MBD5: variants seen among roughly 807,000 people sequenced by gnomAD.
MBD5 encodes methyl-CpG-binding domain protein 5.
Under a neutral mutation model 117.3 loss-of-function variants are expected in MBD5, and 13 were observed. The ratio of observed to expected loss-of-function variants is 0.11; its 90% CI spans 0.07 to 0.18. The LOEUF (loss-of-function observed/expected upper bound fraction) is 0.18, where lower values mean the gene tolerates loss of function less well. Ranked by LOEUF, MBD5 falls within the 10% of genes least tolerant of loss-of-function variation. The pLI is 1.00. For missense variants in MBD5, 1,879 were observed against 2,093.8 expected, an observed-to-expected ratio of 0.90 and a Z score of 2.00; for synonymous variants, 727 against 766.4, an observed-to-expected ratio of 0.95 and a Z score of 0.85.
chr2:148,251,875 C>A (rs1209547048), intron 3 of MBD5, among the ~76,000 whole-genome samples: 3 of 152,130 alleles, frequency 2.0e-5, no homozygotes, highest in Non-Finnish European at 4.4e-5. Context: ...CTTGCTATCA[C>A]GAGTGAGATA....
chr2:148,448,449 T>C (rs1706632281), intron 4 of MBD5, among the ~76,000 whole-genome samples: 1 of 152,048 alleles, frequency 6.6e-6, no homozygotes, highest in Non-Finnish European at 1.5e-5. Context: ...GTCTTATTTT[T>C]CCTTTTAGTA....
chr2:148,062,355 A>G lies in MBD5; in HGVS notation c.-925+40671A>G, dbSNP rs1695059286. 2.0e-5 allele frequency: 3 copies of G among 151,936 alleles called. No individual in the cohort carries two copies. In the South Asian group the frequency reaches 6.2e-4, roughly 31 times the overall value. The allele number at this position is 151,936 out of a possible 1,614,324, so 9.4% of individuals were successfully genotyped here. ...TCAAAACAGTTATAGTCTTTACTCAAAATGTAAATTAATAAATGTATAAAG... is the reference window on the plus strand; with the variant it reads ...TCAAAACAGTTATAGTCTTTACTCAGAATGTAAATTAATAAATGTATAAAG... On this transcript the variant is annotated intron_variant, in intron 1 of 13. Transcript: ENST00000642680.
chr2:148,150,853 G>T lies in MBD5; in HGVS notation c.-924-27847G>T, dbSNP rs1697638883. ...AAGGAGATTTTGGGCTGAGACAATG[G>T]GGTGTTCTAGATATACAATCATGTC... On this transcript the variant is annotated intron_variant, in intron 1 of 13. Coordinates refer to ENST00000642680, the MANE Select transcript of MBD5 (RefSeq NM_001378120.1). Among the ~76,000 whole-genome samples, 3 of 152,098 alleles carry T rather than the reference G, an allele frequency of 2.0e-5. No individual in the cohort carries two copies. The South Asian group carries it at 6.2e-4, about 32-fold the overall frequency.
At chr2:148,237,631 A>T (rs1211813681) in intron 3 of MBD5, among the ~76,000 whole-genome samples, 1 of 152,202 alleles carries the variant, frequency 6.6e-6, no homozygotes, top group African/African-American at 2.4e-5. Context: ...CATAACAGAT[A>T]TTATAATGAA....
At chr2:148,067,402 A>G (rs1324577856) in intron 1 of MBD5, among the ~76,000 whole-genome samples, 2 of 152,194 alleles carry the variant, frequency 1.3e-5, no homozygotes, top group Admixed American at 6.5e-5. Flanking sequence ...AAGCTAAACA[A>G]AACTTTAAGA....
At chr2:148,473,685 T>TA (rs1202410948) in intron 8 of MBD5, among the ~76,000 whole-genome samples, 1 of 152,184 alleles carries the variant, frequency 6.6e-6, no homozygotes, top group Non-Finnish European at 1.5e-5. Context: ...ATGTGAATTC[T>TA]ATGGGAGGCA....
chr2:148,121,139 T>G (rs1162030068), intron 1 of MBD5, among the ~76,000 whole-genome samples: 2 of 152,184 alleles, frequency 1.3e-5, no homozygotes, highest in African/African-American at 4.8e-5. Context: ...CAACTTTAAC[T>G]TCTGTTGACC....
At chr2:148,301,275 G>C (rs1701771539) in intron 3 of MBD5, among the ~76,000 whole-genome samples, 1 of 152,166 alleles carries the variant, frequency 6.6e-6, no homozygotes, top group Non-Finnish European at 1.5e-5. Flanking sequence ...AGGGACTAAA[G>C]GGACAGTGTG....
At chr2:148,109,986 T>C (rs924314160) in intron 1 of MBD5, among the ~76,000 whole-genome samples, 1 of 152,186 alleles carries the variant, frequency 6.6e-6, no homozygotes, top group African/African-American at 2.4e-5. Context: ...CATCATATTC[T>C]ATTTCTTAAA....
chr2:148,436,343 G>T (rs1706156741), intron 4 of MBD5, among the ~76,000 whole-genome samples: 1 of 151,756 alleles, frequency 6.6e-6, no homozygotes, highest in Non-Finnish European at 1.5e-5. Context: ...ATTCTTTCTT[G>T]GTTTTTTTGT....
chr2:148,029,099 A>G (rs2105572973), intron 1 of MBD5, among the ~76,000 whole-genome samples: 1 of 152,292 alleles, frequency 6.6e-6, no homozygotes, highest in African/African-American at 2.4e-5. Context: ...AGCTACAAAT[A>G]TCACTAATAG....
intron 1 of MBD5, among the ~76,000 whole-genome samples, chr2:148,135,526 G>A (rs565185137): frequency 6.6e-6 from 1 of 152,216 alleles, no homozygotes; most frequent in South Asian, 2.1e-4. Flanking sequence ...TGTGTTAAAA[G>A]TTTTCTTCTA....
At chr2:148,401,970 T>C (rs1031146442) in intron 4 of MBD5, among the ~76,000 whole-genome samples, 12 of 152,058 alleles carry the variant, frequency 7.9e-5, no homozygotes, top group African/African-American at 2.9e-4. Context: ...TTCTCCTTAG[T>C]AGATTAAGAT....
chr2:148,254,028 A>G (rs1341909067), intron 3 of MBD5, among the ~76,000 whole-genome samples: 2 of 152,142 alleles, frequency 1.3e-5, no homozygotes, highest in Non-Finnish European at 2.9e-5. Flanking sequence ...AGGAACACAT[A>G]CCCATAGGGC....
chr2:148,334,074 A>G (rs1425553514), intron 3 of MBD5, among the ~76,000 whole-genome samples: 1 of 152,108 alleles, frequency 6.6e-6, no homozygotes, highest in Non-Finnish European at 1.5e-5. Context: ...CTCTAAAGAA[A>G]GTATCTAATT....
intron 10 of MBD5, among the ~76,000 whole-genome samples, chr2:148,488,350 T>C (rs1681403251): frequency 6.6e-6 from 1 of 152,138 alleles, no homozygotes; most frequent in Non-Finnish European, 1.5e-5. Context: ...AACTAGAAGA[T>C]CTAGGATTGA....
intron 4 of MBD5, among the ~76,000 whole-genome samples, chr2:148,398,686 G>T (rs1240847961): frequency 1.3e-5 from 2 of 152,114 alleles, no homozygotes; most frequent in African/African-American, 4.8e-5. Context: ...TTTGGCTTTT[G>T]TTGCCATTGC....
chr2:148,146,688 GC>G (rs142933259), intron 1 of MBD5, among the ~76,000 whole-genome samples: 1,869 of 152,134 alleles, frequency 0.012, 44 homozygotes, highest in African/African-American at 0.043. Context: ...TATTATTACT[GC>G]CCCTTTCTGT....
At chr2:148,324,652 T>G (rs1702392034) in intron 3 of MBD5, among the ~76,000 whole-genome samples, 1 of 152,024 alleles carries the variant, frequency 6.6e-6, no homozygotes, top group Non-Finnish European at 1.5e-5. Flanking sequence ...TGTTGGTGTA[T>G]AAGAATGCTT....
Sources: gnomAD v4.1 joint callset for allele counts (sites outside exome capture counted in the v4.1 genomes callset) on GRCh38, gnomAD v4.1.1 for gene constraint, MANE v1.5 for transcripts, NCBI Gene and HGNC (gene_info 2026-07-23, HGNC 2026-07-21) for gene names.